Variants in RIIAD1 observed in about 807,000 individuals in gnomAD.
RIIAD1 encodes regulatory subunit of type II PKA R-subunit domain containing 1.
Under a neutral mutation model 13.3 loss-of-function variants are expected in RIIAD1, and 15 were observed. The observed-to-expected ratio is 1.13, with a 90% confidence interval of 0.76 to 1.74. The LOEUF (loss-of-function observed/expected upper bound fraction) is 1.74, where lower values mean the gene tolerates loss of function less well. Ranked by LOEUF, RIIAD1 falls within the 40% of genes most tolerant of loss-of-function variation. The pLI is 0.00. For missense variants in RIIAD1, 121 were observed against 112.2 expected (o/e 1.08, Z -0.35); for synonymous variants, 50 against 43.3 (o/e 1.16, Z -0.61).
chr1:151,729,249 G>C (rs1314199707), intron 4 of RIIAD1, among the ~76,000 whole-genome samples: 1 of 152,140 alleles, frequency 6.6e-6, no homozygotes, highest in South Asian at 2.1e-4. Flanking sequence ...TTGGTGGTGA[G>C]AGGGGAGACG....
intron 1 of RIIAD1, 25 bp downstream of exon 1, chr1:151,721,645 A>G (rs1361277441): frequency 7.9e-7 from 1 of 1,267,658 alleles, no homozygotes; most frequent in Non-Finnish European, 1.0e-6. Flanking sequence ...GCCCCCATCC[A>G]GCGTCCACCA....
rs1229204328 is a variant in RIIAD1 at position 151,721,737 on chromosome 1, A to G, written c.84+117A>G. 5.2e-6 allele frequency: 3 copies of G among 579,360 alleles called. No homozygotes were observed. The African/African-American group carries it at 5.8e-5, about 11-fold the overall frequency. The allele number at this position is 579,360 out of a possible 1,614,324, so 35.9% of individuals were successfully genotyped here. A position where few individuals can be genotyped will look rare whatever the true frequency, so the allele number is the denominator to read the frequency against. On this transcript the variant is annotated intron_variant, in intron 1 of 4. Transcript: ENST00000479191. ...GGGGAGCGGGAGCCTGTTCCCTGAT[A>G]AAGTGGGGAGGGCGCAGGGGAGACC...
At chr1:151,721,845 G>C in intron 1 of RIIAD1, 1 of 583,738 alleles carries the variant, frequency 1.7e-6, no homozygotes, top group Non-Finnish European at 3.0e-6. Flanking sequence ...TCAGGGACTC[G>C]GCCAGAGAAA....
At chr1:151,716,898 A>G, upstream of RIIAD1, 1 of 414,624 alleles carries the variant, frequency 2.4e-6, no homozygotes, top group East Asian at 7.5e-5. Flanking sequence ...TCTACCCTGG[A>G]GAGGGACGCA....
chr1:151,719,204 TCTC>T (rs1411840332), upstream of RIIAD1, among the ~76,000 whole-genome samples: 1 of 152,000 alleles, frequency 6.6e-6, no homozygotes, highest in Non-Finnish European at 1.5e-5. Flanking sequence ...CTCATCAGAC[TCTC>T]CTTGCTGAGT....
At chr1:151,722,989 C>A (rs1558118744) in intron 2 of RIIAD1, among the ~76,000 whole-genome samples, 1 of 152,214 alleles carries the variant, frequency 6.6e-6, no homozygotes, top group Non-Finnish European at 1.5e-5. Flanking sequence ...AGTTGCTGAA[C>A]CAGGATTCAA....
intron 2 of RIIAD1, among the ~76,000 whole-genome samples, chr1:151,722,454 C>G (rs1167334160): frequency 6.6e-6 from 1 of 152,128 alleles, no homozygotes; most frequent in Non-Finnish European, 1.5e-5. Context: ...TACTTGAAAA[C>G]ATTACTGTAG....
chr1:151,711,602 C>T (rs1673025779), intron 1 of RIIAD1, among the ~76,000 whole-genome samples: 1 of 152,240 alleles, frequency 6.6e-6, no homozygotes, highest in Non-Finnish European at 1.5e-5. Context: ...TGTGCGGGTG[C>T]GCATGCGCAA....
chr1:151,712,169 C>A (rs1384854491), intron 2 of RIIAD1, among the ~76,000 whole-genome samples: 1 of 152,172 alleles, frequency 6.6e-6, no homozygotes, highest in Non-Finnish European at 1.5e-5. Flanking sequence ...TACCTGGCAA[C>A]CAGGCGCAGC....
intron 2 of RIIAD1, among the ~76,000 whole-genome samples, chr1:151,725,358 C>T (rs1194235505): frequency 6.6e-6 from 1 of 152,098 alleles, no homozygotes; most frequent in Non-Finnish European, 1.5e-5. Context: ...GATCTGCCTG[C>T]CTCGGCCTCC....
upstream of RIIAD1, among the ~76,000 whole-genome samples, chr1:151,720,261 C>T (rs920832463): frequency 7.2e-5 from 11 of 152,104 alleles, no homozygotes; most frequent in Non-Finnish European, 8.8e-5. Context: ...GAGGTGCCAC[C>T]ACCAGCTTCT....
rs1444095971 is a variant in RIIAD1, at chr1:151,728,708, T to C, written c.209-58T>C. 3 of 1,031,284 alleles carry C rather than the reference T, an allele frequency of 2.9e-6. No homozygotes were observed. The African/African-American group carries it at 4.8e-5, about 16-fold the overall frequency. 63.9% of individuals were successfully genotyped at this position (1,031,284 alleles called of 1,614,324 possible). A position where few individuals can be genotyped will look rare whatever the true frequency, so the allele number is the denominator to read the frequency against. On this transcript the variant is annotated intron_variant, in intron 3 of 4. Coordinates refer to ENST00000479191, the MANE Select transcript of RIIAD1 (RefSeq NM_001144956.3). ...TGGTGGAGTAAGCTGTCTCCTTCCATGGGTAAATCTTTTCCCTTTGGGTAT... is the reference window on the plus strand; with the variant it reads ...TGGTGGAGTAAGCTGTCTCCTTCCACGGGTAAATCTTTTCCCTTTGGGTAT...
chr1:151,718,949 T>C (rs1343711972), upstream of RIIAD1, among the ~76,000 whole-genome samples: 1 of 152,198 alleles, frequency 6.6e-6, no homozygotes, highest in Non-Finnish European at 1.5e-5. Flanking sequence ...ATCTCATTAC[T>C]CTATGTCTTC....
intron 2 of RIIAD1, among the ~76,000 whole-genome samples, chr1:151,725,292 A>T (rs560321861): frequency 2.6e-4 from 39 of 151,166 alleles, no homozygotes; most frequent in Admixed American, 5.3e-4. Flanking sequence ...TTGTATTTTT[A>T]GTAGAGATGG....
chr1:151,727,606 C>T lies in RIIAD1; in HGVS notation c.193C>T (p.Leu65=), dbSNP rs145510399. 4.1e-5 allele frequency: 63 copies of T among 1,550,084 alleles called. No homozygotes were observed. The highest frequency in any genetic ancestry group is 5.5e-5 in the Non-Finnish European group (63 of 1,145,614). ...ATTTTTGAAAAGACCAGACAACATC[C>T]TAGAATTTGCTGCAGGTGAGTAAGG... ...EIFLKRPDNI[L]EFAADYFTDP... Residue 65 remains leucine, a synonymous_variant, in exon 3 of 5, where the codon CTA becomes TTA. Coordinates refer to ENST00000479191, the MANE Select transcript of RIIAD1 (RefSeq NM_001144956.3).
At chr1:151,721,336 T>G (rs912468151), upstream of RIIAD1, among the ~76,000 whole-genome samples, 2 of 152,198 alleles carry the variant, frequency 1.3e-5, no homozygotes, top group African/African-American at 4.8e-5. Flanking sequence ...CACATACAAT[T>G]AAGTCCAGAA....
In RIIAD1 at chr1:151,728,877, C is replaced by G; in HGVS notation, c.*41C>G. 1 of 1,152,256 alleles carries G rather than the reference C, an allele frequency of 8.7e-7. No homozygotes were observed. Among genetic ancestry groups the G allele is most frequent in the Non-Finnish European group, 1.3e-6 (1 of 783,078 alleles). The allele number at this position is 1,152,256 out of a possible 1,614,324, so 71.4% of individuals were successfully genotyped here. ...TGCTCAGCTGTTGGGAGAGACCAGA[C>G]GGAATCCAGCCTCGGGGTGGGTGTT... is the stretch of plus-strand genomic sequence containing the variant. On this transcript the variant is annotated 3_prime_UTR_variant, in exon 4 of 5. Coordinates refer to ENST00000479191, the MANE Select transcript of RIIAD1 (RefSeq NM_001144956.3).
intron 3 of RIIAD1, among the ~76,000 whole-genome samples, chr1:151,713,965 C>T (rs186661140): frequency 6.6e-6 from 1 of 152,316 alleles, no homozygotes; most frequent in African/African-American, 2.4e-5. Flanking sequence ...TGGCATCAGG[C>T]CTGATCCTCT....
chr1:151,728,645 G>A (rs1250856274), intron 3 of RIIAD1, 121 bp from the exon 4 acceptor site: 1 of 682,910 alleles, frequency 1.5e-6, no homozygotes, highest in Admixed American at 2.1e-5. Context: ...AGGGCCACCA[G>A]TAGTAGCAGT....
Sources: gnomAD v4.1 joint callset for allele counts (sites outside exome capture counted in the v4.1 genomes callset) on GRCh38, gnomAD v4.1.1 for gene constraint, MANE v1.5 for transcripts, NCBI Gene and HGNC (gene_info 2026-07-23, HGNC 2026-07-21) for gene names.